Variants in THSD7B observed in about 807,000 individuals in gnomAD.
THSD7B encodes thrombospondin type-1 domain-containing protein 7B.
In THSD7B, 138 loss-of-function variants were observed where a neutral mutation model predicts 213.6. The observed-to-expected ratio is 0.65, with a 90% confidence interval of 0.56 to 0.74. THSD7B has a LOEUF of 0.74. Ranked by LOEUF, THSD7B falls within the 30% of genes least tolerant of loss-of-function variation. The pLI, the probability that THSD7B is intolerant of heterozygous loss-of-function variation, is 0.00. For missense variants in THSD7B, 1,931 were observed against 1,991.5 expected (o/e 0.97, Z 0.58); for synonymous variants, 742 against 687.0 (o/e 1.08, Z -1.25).
chr2:137,366,264 A>ATAGCAT (rs1215036685), intron 12 of THSD7B, among the ~76,000 whole-genome samples: 3 of 152,236 alleles, frequency 2.0e-5, no homozygotes, highest in African/African-American at 7.2e-5. Context: ...TGAGGATGGG[A>ATAGCAT]TAGCATTGGG....
At chr2:136,863,297 G>T (rs141758502) in intron 1 of THSD7B, among the ~76,000 whole-genome samples, 1 of 152,322 alleles carries the variant, frequency 6.6e-6, no homozygotes, top group African/African-American at 2.4e-5. Flanking sequence ...CCTGGTCTCT[G>T]CATTCTGCAT....
chr2:137,363,311 A>G (rs919482712), intron 12 of THSD7B, among the ~76,000 whole-genome samples: 1 of 152,352 alleles, frequency 6.6e-6, no homozygotes, highest in Non-Finnish European at 1.5e-5. Context: ...ACACCCTAAC[A>G]TCACAATAAA....
At chr2:137,142,414 T>C (rs1306785906) in intron 5 of THSD7B, among the ~76,000 whole-genome samples, 3 of 152,116 alleles carry the variant, frequency 2.0e-5, no homozygotes, top group Non-Finnish European at 4.4e-5. Flanking sequence ...TTTCTCAATA[T>C]CATTACTATG....
chr2:137,169,167 G>GAAA (rs58288399), intron 6 of THSD7B, among the ~76,000 whole-genome samples: 1 of 118,156 alleles, frequency 8.5e-6, no homozygotes, highest in African/African-American at 3.2e-5. Flanking sequence ...GTTATCTTAG[G>GAAA]AAAAAAAAAA....
chr2:137,032,216 A>C (rs1351961240), intron 2 of THSD7B, among the ~76,000 whole-genome samples: 40 of 152,102 alleles, frequency 2.6e-4, no homozygotes, highest in Non-Finnish European at 1.0e-4. Context: ...CTACTAATAG[A>C]GTAAAGTTGG....
At chr2:136,940,809 T>TGTTCTTTATCAAATTGAGAAA (rs1217236674) in intron 2 of THSD7B, among the ~76,000 whole-genome samples, 22 of 146,240 alleles carry the variant, frequency 1.5e-4, no homozygotes, top group Middle Eastern at 3.5e-3. Context: ...TTAAGGGTAG[T>TGTTCTTTATCAAATTGAGAAA]TTTTTTGTAG....
chr2:136,867,869 A>C (rs1683369010), intron 1 of THSD7B, among the ~76,000 whole-genome samples: 1 of 152,218 alleles, frequency 6.6e-6, no homozygotes, highest in Non-Finnish European at 1.5e-5. Flanking sequence ...TTATTTAGAA[A>C]GTATTTGTGT....
chr2:137,285,288 G>A (rs1293304767), intron 12 of THSD7B, among the ~76,000 whole-genome samples: 1 of 152,040 alleles, frequency 6.6e-6, no homozygotes, highest in African/African-American at 2.4e-5. Context: ...TTGAGCCTAT[G>A]TGTGTCTCTG....
At chr2:137,343,840 G>T (rs1407137307) in intron 12 of THSD7B, among the ~76,000 whole-genome samples, 1 of 151,748 alleles carries the variant, frequency 6.6e-6, no homozygotes, top group Admixed American at 6.6e-5. Flanking sequence ...TTTAACGAAT[G>T]CATAACTTCA....
chr2:137,456,962 G>A lies in THSD7B; in HGVS notation c.3138+5939G>A, dbSNP rs556200753. ...TCCTTTATGCCGGTCAGCTAGCCCC[G>A]ACTCTGTGCTCTCAAGTTGTGGCAT... On this transcript the variant is annotated intron_variant, in intron 15 of 27. Transcript: ENST00000409968. 3.9e-5 allele frequency among the ~76,000 whole-genome samples: 6 copies of A among 152,208 alleles called. No individual in the cohort carries two copies. In the South Asian group the frequency reaches 6.2e-4, roughly 16 times the overall value.
chr2:137,129,709 G>A (rs1216165503), intron 5 of THSD7B, among the ~76,000 whole-genome samples: 1 of 152,088 alleles, frequency 6.6e-6, no homozygotes, highest in Non-Finnish European at 1.5e-5. Flanking sequence ...CCAAAATGCT[G>A]GGATTACGGG....
In THSD7B at chr2:137,315,610, G is replaced by A. The variant is rs185921212; in HGVS notation, c.2500+39584G>A. Among the ~76,000 whole-genome samples the A allele has an allele frequency of 1.2e-3, 181 of 151,872 alleles. 3 individuals carry two copies. The highest frequency in any genetic ancestry group is 4.1e-3 in the African/African-American group (170 of 41,424). On this transcript the variant is annotated intron_variant, in intron 12 of 27. Transcript: ENST00000409968. ...CTTTTTTTTTTCGTTTCTAGATTTG[G>A]TATTATTATAGAAAAGCCCCTCTAT...
intron 2 of THSD7B, among the ~76,000 whole-genome samples, chr2:136,999,825 C>G (rs1685968259): frequency 6.6e-6 from 1 of 152,120 alleles, no homozygotes; most frequent in African/African-American, 2.4e-5. Flanking sequence ...TTATATTTTT[C>G]AAGTTTTGCT....
chr2:137,171,731 C>T (rs926423938), intron 7 of THSD7B, among the ~76,000 whole-genome samples: 2 of 152,176 alleles, frequency 1.3e-5, no homozygotes, highest in African/African-American at 4.8e-5. Flanking sequence ...GCTAAGTAAT[C>T]CATAGAACAG....
At chr2:137,570,030 A>G (rs1681322397) in intron 16 of THSD7B, among the ~76,000 whole-genome samples, 1 of 151,710 alleles carries the variant, frequency 6.6e-6, no homozygotes, top group South Asian at 2.1e-4. Context: ...TGTCCAGGAA[A>G]GGACATTTAA....
intron 7 of THSD7B, among the ~76,000 whole-genome samples, chr2:137,219,484 A>G (rs1446749486): frequency 6.6e-6 from 1 of 152,148 alleles, no homozygotes; most frequent in Non-Finnish European, 1.5e-5. Context: ...AGAAGAGGTT[A>G]CCAACCAACT....
At chr2:137,220,872 G>A (rs1003916680) in intron 7 of THSD7B, among the ~76,000 whole-genome samples, 13 of 152,150 alleles carry the variant, frequency 8.5e-5, no homozygotes, top group Admixed American at 7.9e-4. Context: ...CATAGAGACA[G>A]TAACATGAAT....
chr2:137,191,892 G>GTCTTT (rs1680667474), intron 7 of THSD7B, among the ~76,000 whole-genome samples: 1 of 152,024 alleles, frequency 6.6e-6, no homozygotes, highest in Non-Finnish European at 1.5e-5. Context: ...TGGCTTCATT[G>GTCTTT]TATCACAAAG....
At chr2:137,177,378 A>G (rs1413257457) in intron 7 of THSD7B, among the ~76,000 whole-genome samples, 2 of 152,158 alleles carry the variant, frequency 1.3e-5, no homozygotes, top group African/African-American at 4.8e-5. Flanking sequence ...AGTTCTGAAA[A>G]AGAAAAAGAC....
Sources: allele counts gnomAD v4.1 joint callset (sites outside exome capture counted in the v4.1 genomes callset), GRCh38; gene constraint gnomAD v4.1.1; transcripts MANE v1.5; gene names NCBI Gene and HGNC (gene_info 2026-07-23, HGNC 2026-07-21).